The following SPG11 variants were observed in gnomAD, a reference collection of about 807,000 sequenced individuals.
SPG11 encodes the protein spatacsin.
A neutral mutation model predicts 274.0 loss-of-function variants in SPG11; 222 were observed. The ratio of observed to expected loss-of-function variants is 0.81; its 90% CI spans 0.73 to 0.91. The LOEUF is 0.91. Ranked by LOEUF, SPG11 falls within the 40% of genes least tolerant of loss-of-function variation. The pLI is 0.00. For missense variants in SPG11, 3,114 were observed against 2,872.7 expected (o/e 1.08, Z -1.92); for synonymous variants, 1,144 against 1,039.7 (o/e 1.10, Z -1.93).
intron 30 of SPG11, among the ~76,000 whole-genome samples, chr15:44,579,426 C>T (rs1333429425): frequency 6.7e-6 from 1 of 148,464 alleles, no homozygotes; most frequent in Non-Finnish European, 1.5e-5. Flanking sequence ...ACTCGGGAGG[C>T]TGAGACAGGA....
chr15:44,592,975 ACT>A (rs2082941435), intron 26 of SPG11, among the ~76,000 whole-genome samples: 1 of 150,156 alleles, frequency 6.7e-6, no homozygotes, highest in African/African-American at 2.5e-5. Context: ...ACAGAGCAAG[ACT>A]CTGCCTCAAA....
At chr15:44,591,559 T>G (rs1360832296) in intron 27 of SPG11, among the ~76,000 whole-genome samples, 1 of 152,164 alleles carries the variant, frequency 6.6e-6, no homozygotes, top group African/African-American at 2.4e-5. Flanking sequence ...CAACTGGCCA[T>G]AGGGAGTAAT....
chr15:44,566,852 G>A (rs2082319433), intron 36 of SPG11, among the ~76,000 whole-genome samples: 1 of 151,886 alleles, frequency 6.6e-6, no homozygotes, highest in Non-Finnish European at 1.5e-5. Context: ...GGTGCATGCC[G>A]CCACACCTGG....
chr15:44,620,254 C>A lies in SPG11; in HGVS notation c.2770G>T (p.Val924Phe), dbSNP rs754023229. ...TTACAGGAAGTATTCTGGTTAATAA[C>A]ATCAACAGTCAGAAGGGGCCATTTG... ...QNKWPLLTVD[V>F]INQNTSCNNY... is the part of the protein sequence containing the mutation. Residue 924 changes from valine (V) to phenylalanine (F), a missense_variant, in exon 15 of 40, where the codon GTT (valine) becomes TTT (phenylalanine). Transcript: ENST00000261866. 1 of 1,614,036 alleles carries A rather than the reference C, an allele frequency of 6.2e-7. No individual in the cohort carries two copies. The highest frequency in any genetic ancestry group is 8.5e-7 in the Non-Finnish European group (1 of 1,179,996).
Position 44,578,927 on chromosome 15 carries a change from G to A in SPG11, c.5867-3886C>T, listed in dbSNP as rs146448293. Among the ~76,000 whole-genome samples, 437 of 152,314 alleles carry A rather than the reference G, an allele frequency of 2.9e-3. 8 individuals are homozygous for A. In the East Asian group the frequency reaches 0.068, roughly 24 times the overall value. ...TCCCAACACTTTGGGAGGCCAAGGT[G>A]GGTGGATCACCTGAGGTCAGGAGTT... On this transcript the variant is annotated intron_variant, in intron 30 of 39. Coordinates refer to ENST00000261866, the MANE Select transcript of SPG11 (RefSeq NM_025137.4).
At chr15:44,613,916 C>T (rs2083526009) in intron 16 of SPG11, among the ~76,000 whole-genome samples, 1 of 152,116 alleles carries the variant, frequency 6.6e-6, no homozygotes, top group African/African-American at 2.4e-5. Flanking sequence ...TGGTGGTGTG[C>T]ACCTGTAGTT....
chr15:44,653,736 A>C (rs1352214432), intron 4 of SPG11, among the ~76,000 whole-genome samples: 1 of 152,244 alleles, frequency 6.6e-6, no homozygotes, highest in Admixed American at 6.5e-5. Context: ...TTGGAGATAC[A>C]GTAGTTCCCT....
Position 44,611,541 on chromosome 15 carries a change from A to AACT in SPG11, c.3146-559_3146-557dup, listed in dbSNP as rs2083460120. 1.3e-5 allele frequency among the ~76,000 whole-genome samples: 2 copies of AACT among 152,198 alleles called. 1 individual carries two copies. The highest frequency in any genetic ancestry group is 4.8e-5 in the African/African-American group (2 of 41,442). ...ACTAGGACTTAAAATAAAATTGTAC[A>AACT]ACTCCCTTGGAAAGCAATCCGGTCC... On this transcript the variant is annotated intron_variant, in intron 17 of 39. Transcript: ENST00000261866.
At chr15:44,622,406 A>G in intron 12 of SPG11, 59 bp from the exon 13 acceptor site, 1 of 1,371,808 alleles carries the variant, frequency 7.3e-7, no homozygotes, top group Non-Finnish European at 1.0e-6. Context: ...TTTTGCAAAA[A>G]ATGTCATGAG....
chr15:44,662,270 T>G (rs2085133035), intron 1 of SPG11, among the ~76,000 whole-genome samples: 1 of 151,726 alleles, frequency 6.6e-6, no homozygotes, highest in South Asian at 2.1e-4. Flanking sequence ...AATGAATCTC[T>G]AAATGTCAGG....
intron 7 of SPG11, 131 bp from the exon 8 acceptor site, chr15:44,633,768 A>T (rs2084154295): frequency 1.2e-6 from 1 of 864,586 alleles, no homozygotes; most frequent in Non-Finnish European, 1.8e-6. Flanking sequence ...GCATGAGTAC[A>T]TGGGCTCCAG....
chr15:44,620,021 AGTAT>A, intron 15 of SPG11, 165 bp downstream of exon 15: 1 of 656,810 alleles, frequency 1.5e-6, no homozygotes, highest in Non-Finnish European at 2.6e-6. Flanking sequence ...TGGCCAAATG[AGTAT>A]GATTTTAAAA....
At chr15:44,600,224 T>C in intron 21 of SPG11, 2 of 449,712 alleles carry the variant, frequency 4.4e-6, no homozygotes, top group Non-Finnish European at 8.1e-6. Context: ...CAGTATGTTT[T>C]TCAATGTACA....
intron 33 of SPG11, among the ~76,000 whole-genome samples, chr15:44,571,072 T>G (rs1304055130): frequency 1.3e-5 from 2 of 152,192 alleles, no homozygotes; most frequent in Non-Finnish European, 2.9e-5. Flanking sequence ...GTTCTGGCTT[T>G]CTAGAGTAGT....
intron 27 of SPG11, 103 bp downstream of exon 27, chr15:44,592,228 G>A: frequency 2.7e-6 from 2 of 740,040 alleles, no homozygotes; most frequent in Middle Eastern, 2.3e-4. Flanking sequence ...CACTGTGCCT[G>A]AGTAACCGAG....
chr15:44,647,582 A>G lies in SPG11; in HGVS notation c.1602+1284T>C, dbSNP rs750774354. 2.8e-4 allele frequency among the ~76,000 whole-genome samples: 42 copies of G among 152,370 alleles called. 1 individual carries two copies. Among genetic ancestry groups the G allele is most frequent in the Non-Finnish European group, 5.6e-4 (38 of 68,030 alleles). On this transcript the variant is annotated intron_variant, in intron 7 of 39. Coordinates refer to ENST00000261866, the MANE Select transcript of SPG11 (RefSeq NM_025137.4). ...TATTGATACAATGGAATATTCAGCC[A>G]TAAAAAGGAATGAAGTTGTAGTGAC...
chr15:44,622,269 G>A lies in SPG11; in HGVS notation c.2395C>T (p.Leu799Phe), dbSNP rs777568850. The A allele has an allele frequency of 1.2e-6, 2 of 1,610,790 alleles. No homozygotes were observed. The highest frequency in any genetic ancestry group is 1.7e-6 in the Non-Finnish European group (2 of 1,177,286). ...TIDFVHQVEK[L>F]YLGHFQENMQ... The stretch of plus-strand genomic sequence containing the variant: ...TTTTCTTGGAAATGTCCCAAATAAA[G>A]CTTCTCAACTTGATGCACGAAGTCT... Residue 799 changes from leucine to phenylalanine, a missense_variant, in exon 13 of 40, where the codon CTT (leucine) becomes TTT (phenylalanine). Physicochemically the swap from Leu to Phe is conservative, Grantham distance 22 (BLOSUM62 0). Coordinates refer to ENST00000261866, the MANE Select transcript of SPG11 (RefSeq NM_025137.4).
At chr15:44,575,294 A>T (rs1043711651) in intron 30 of SPG11, 16 of 463,998 alleles carry the variant, frequency 3.4e-5, no homozygotes, top group African/African-American at 1.2e-4. Context: ...TGCTCTAGAG[A>T]TCAGCACCAA....
chr15:44,567,711 A>G (rs923432938), intron 35 of SPG11, 119 bp from the exon 36 acceptor site: 8 of 973,998 alleles, frequency 8.2e-6, no homozygotes, highest in African/African-American at 4.8e-5. Flanking sequence ...AGGAGCAAAA[A>G]TGAGAATAAA....
Sources: gnomAD v4.1 joint callset for allele counts (sites outside exome capture counted in the v4.1 genomes callset) on GRCh38, gnomAD v4.1.1 for gene constraint, MANE v1.5 for transcripts, NCBI Gene and HGNC (gene_info 2026-07-23, HGNC 2026-07-21) for gene names.